The following TLK1 variants were observed in gnomAD, a reference collection of about 807,000 sequenced individuals.
TLK1 encodes the protein serine/threonine-protein kinase tousled-like 1.
TLK1 carries 24 observed loss-of-function variants against 105.3 expected under a neutral mutation model. The observed-to-expected ratio is 0.23, with a 90% CI of 0.17 to 0.32. The LOEUF is 0.32. TLK1 is among the 10% of genes least tolerant of loss of function. The pLI is 1.00. For synonymous variants in TLK1, 321 were observed against 310.4 expected, an observed-to-expected ratio of 1.03 and a Z score of -0.36; for missense variants, 558 against 910.5, an observed-to-expected ratio of 0.61 and a Z score of 4.98.
chr2:171,038,147 G>A (rs536918093), intron 11 of TLK1, among the ~76,000 whole-genome samples: 2 of 152,162 alleles, frequency 1.3e-5, no homozygotes, highest in Admixed American at 1.3e-4. Context: ...TTTATAATGT[G>A]TTGTTTCCTT....
At chr2:171,108,050 CCT>C (rs1385468810) in intron 2 of TLK1, among the ~76,000 whole-genome samples, 1 of 146,036 alleles carries the variant, frequency 6.8e-6, no homozygotes. Flanking sequence ...GAGTGAGACC[CCT>C]CTCTCAAAAA....
At chr2:171,161,191 G>C (rs1313421298), upstream of TLK1, among the ~76,000 whole-genome samples, 12 of 149,020 alleles carry the variant, frequency 8.1e-5, no homozygotes, top group Non-Finnish European at 1.5e-5. Flanking sequence ...CGGCCGGAGG[G>C]AGGCGCGCCC....
At chr2:171,101,603 A>G (rs1689697010) in intron 2 of TLK1, among the ~76,000 whole-genome samples, 1 of 152,224 alleles carries the variant, frequency 6.6e-6, no homozygotes, top group Admixed American at 6.5e-5. Context: ...ACCATTAAAT[A>G]TGTTAAATGA....
chr2:171,160,935 A>C, upstream of TLK1: 1 of 209,796 alleles, frequency 4.8e-6, no homozygotes, highest in Non-Finnish European at 8.9e-6. This position sits in a 1 kb window ranked among gnomAD's most constrained non-coding sequence, Gnocchi z 4.4. Flanking sequence ...CGCCTGTGCA[A>C]ACACTATCGC....
At chr2:171,081,969 T>C (rs1256807424) in intron 3 of TLK1, among the ~76,000 whole-genome samples, 3 of 151,848 alleles carry the variant, frequency 2.0e-5, no homozygotes, top group Non-Finnish European at 4.4e-5. Flanking sequence ...AAAAAGTCTA[T>C]ACTAATCAAG....
intron 14 of TLK1, among the ~76,000 whole-genome samples, chr2:171,008,375 G>GA (rs908945982): frequency 3.3e-5 from 5 of 152,166 alleles, no homozygotes; most frequent in African/African-American, 9.6e-5. Flanking sequence ...TAAGTGTAAA[G>GA]AAACTGAGAA....
intron 12 of TLK1, among the ~76,000 whole-genome samples, chr2:171,021,478 A>T (rs1685503165): frequency 8.0e-6 from 1 of 124,932 alleles, no homozygotes; most frequent in Admixed American, 9.2e-5. Context: ...TTTGGTAGAG[A>T]CAAGATTTCC....
intron 12 of TLK1, chr2:171,023,263 G>A (rs2105385476): frequency 8.1e-5 from 37 of 456,044 alleles, no homozygotes; most frequent in South Asian, 5.9e-4. Flanking sequence ...ACTGTAAATT[G>A]TTTAGCTGAT....
At chr2:171,189,455 A>C (rs1693101354) in intron 1 of TLK1, among the ~76,000 whole-genome samples, 1 of 152,114 alleles carries the variant, frequency 6.6e-6, no homozygotes, top group Admixed American at 6.6e-5. Flanking sequence ...GTACAATTTT[A>C]ATATTTCAAA....
chr2:171,214,080 C>G (rs563191059), intron 1 of TLK1, among the ~76,000 whole-genome samples: 8 of 151,204 alleles, frequency 5.3e-5, no homozygotes, highest in African/African-American at 1.7e-4. Context: ...GTGGCACATG[C>G]CTGTAGTTTC....
chr2:171,220,183 C>T (rs1693781847), intron 1 of TLK1, among the ~76,000 whole-genome samples: 1 of 152,172 alleles, frequency 6.6e-6, no homozygotes, highest in African/African-American at 2.4e-5. Context: ...GATAACATTT[C>T]CATGTAAGAT....
chr2:171,181,234 T>G (rs189587177), intron 1 of TLK1, among the ~76,000 whole-genome samples: 1 of 152,330 alleles, frequency 6.6e-6, no homozygotes, highest in East Asian at 1.9e-4. Context: ...CACTCACAAG[T>G]GAAACAGTGA....
At position 171,006,491 on chromosome 2, in the gene TLK1, T is replaced by C. The variant is rs1157698830; in HGVS notation, c.1751A>G (p.His584Arg). ...YLNEIKPPII[H>R]YDLKPGNILL... ...ATAATTACCTGGCTTAAGATCATAATGTATAATAGGGGGTTTGATCTCATT... is the reference window on the plus strand; with the variant it reads ...ATAATTACCTGGCTTAAGATCATAACGTATAATAGGGGGTTTGATCTCATT... Residue 584 changes from histidine (H) to arginine (R), a missense_variant, in exon 17 of 21, where the codon CAT becomes CGT. His to Arg is a conservative substitution (Grantham distance 29). Coordinates refer to ENST00000431350, the MANE Select transcript of TLK1 (RefSeq NM_012290.5). 1.3e-6 allele frequency: 2 copies of C among 1,599,324 alleles called. No homozygotes were observed. Among genetic ancestry groups the C allele is most frequent in the Admixed American group, 1.8e-5 (1 of 56,818 alleles).
intron 11 of TLK1, among the ~76,000 whole-genome samples, chr2:171,032,853 T>C (rs1246247212): frequency 6.6e-6 from 1 of 152,120 alleles, no homozygotes; most frequent in Non-Finnish European, 1.5e-5. Flanking sequence ...CCTCACTCTA[T>C]GTACAAAAAT....
At chr2:171,086,498 T>C (rs1385333519) in intron 2 of TLK1, among the ~76,000 whole-genome samples, 1 of 152,070 alleles carries the variant, frequency 6.6e-6, no homozygotes, top group African/African-American at 2.4e-5. Flanking sequence ...TCATGGCGCA[T>C]GCCTGTAATC....
chr2:171,032,742 A>T (rs1686103575), intron 11 of TLK1, among the ~76,000 whole-genome samples: 1 of 152,184 alleles, frequency 6.6e-6, no homozygotes, highest in Non-Finnish European at 1.5e-5. Context: ...GATTTTTGAC[A>T]AGAGTACCAA....
chr2:171,078,222 C>G (rs1404275481), intron 3 of TLK1, among the ~76,000 whole-genome samples: 1 of 152,100 alleles, frequency 6.6e-6, no homozygotes, highest in Non-Finnish European at 1.5e-5. Flanking sequence ...GTCATCAAAC[C>G]CTACTGATTC....
chr2:171,205,689 T>G (rs902370934), intron 1 of TLK1, among the ~76,000 whole-genome samples: 1 of 152,208 alleles, frequency 6.6e-6, no homozygotes, highest in African/African-American at 2.4e-5. Context: ...GATGGCCTTT[T>G]TATTGCTGTT....
chr2:171,000,148 C>G (rs1024872640), intron 18 of TLK1, among the ~76,000 whole-genome samples: 1 of 151,972 alleles, frequency 6.6e-6, no homozygotes, highest in African/African-American at 2.4e-5. Flanking sequence ...GAGGCCGAGA[C>G]GGGTAGAACA....
Sources: allele counts gnomAD v4.1 joint callset (sites outside exome capture counted in the v4.1 genomes callset), GRCh38; gene constraint gnomAD v4.1.1; non-coding constraint Gnocchi (gnomAD v3.1); transcripts MANE v1.5; gene names NCBI Gene and HGNC (gene_info 2026-07-23, HGNC 2026-07-21).